Variants in VCL observed in about 807,000 individuals in gnomAD.
VCL encodes vinculin, also known as epididymis luminal protein 114.
In VCL, 47 loss-of-function variants were observed where a neutral mutation model predicts 125.7. The ratio of observed to expected loss-of-function variants is 0.37; its 90% confidence interval spans 0.30 to 0.48. The LOEUF (loss-of-function observed/expected upper bound fraction) is 0.48. Among genes scored for constraint, VCL ranks in the 20% least tolerant of loss-of-function variants. VCL has a pLI of 0.99. For synonymous variants in VCL, 458 were observed against 514.6 expected (o/e 0.89, Z 1.49); for missense variants, 1,069 against 1,455.5 (o/e 0.73, Z 4.32).
chr10:74,040,609 A>G (rs1841077124), intron 1 of VCL, among the ~76,000 whole-genome samples: 1 of 152,228 alleles, frequency 6.6e-6, no homozygotes. Flanking sequence ...AGTGAACAAT[A>G]CATCTGGAAA....
chr10:74,074,733 AT>A lies in VCL; in HGVS notation c.623-5del. ...TTCCAAGCTTACTTTCTGATCTTTT[AT>A]TTTTACAGCTATGAAGATTTTTGTA... On this transcript the variant is annotated splice_polypyrimidine_tract_variant and intron_variant, in intron 5 of 21. Transcript: ENST00000211998. 6.2e-7 allele frequency: 1 copy of A among 1,611,868 alleles called. No individual in the cohort carries two copies. Among genetic ancestry groups the A allele is most frequent in the Non-Finnish European group, 8.5e-7 (1 of 1,179,196 alleles).
rs1446145035 is a variant in VCL, at chr10:74,105,215, G to A, written c.2296G>A (p.Val766Met). 6.2e-7 allele frequency: 1 copy of A among 1,614,192 alleles called. No individual in the cohort carries two copies. Residue 766 changes from valine (V) to methionine (M), a missense_variant, in exon 16 of 22, where the codon GTG (valine) becomes ATG (methionine). Coordinates refer to ENST00000211998, the MANE Select transcript of VCL (RefSeq NM_014000.3). ...TCGTCGGGCCAACCGGATCCTGCTG[G>A]TGGCTAAGAGGGAGGTGGAGAATTC... ...IARRANRILL[V>M]AKREVENSED...
rs370268262 is a variant in VCL at position 74,093,252 on chromosome 10, G to A, written c.1353-1019G>A. Among the ~76,000 whole-genome samples the A allele has an allele frequency of 4.7e-4, 71 of 152,142 alleles. 1 individual carries two copies. The highest frequency in any genetic ancestry group is 8.3e-4 in the South Asian group (4 of 4,826). ...GCAGAGGTTGCAGTGAGCCGAGATC[G>A]TGCCACTGCACTCCAGCCTGGGCAA... On this transcript the variant is annotated intron_variant, in intron 10 of 21. Coordinates refer to ENST00000211998, the MANE Select transcript of VCL (RefSeq NM_014000.3).
At chr10:74,026,591 T>C (rs1840776735) in intron 1 of VCL, among the ~76,000 whole-genome samples, 1 of 152,198 alleles carries the variant, frequency 6.6e-6, no homozygotes, top group African/African-American at 2.4e-5. Context: ...AATATTGCAA[T>C]GGCAGAGAAG....
chr10:74,038,853 C>T (rs1180259729), intron 1 of VCL, among the ~76,000 whole-genome samples: 1 of 152,092 alleles, frequency 6.6e-6, no homozygotes. Context: ...TATCAGCCTT[C>T]TAGCATTGCT....
At chr10:74,081,132 T>C (rs1839667835) in intron 6 of VCL, among the ~76,000 whole-genome samples, 1 of 150,892 alleles carries the variant, frequency 6.6e-6, no homozygotes, top group African/African-American at 2.5e-5. Context: ...TTCAATTTTT[T>C]TGGTAATTTA....
chr10:74,097,902 C>T lies in VCL; in HGVS notation c.1872+570C>T, dbSNP rs947187766. On this transcript the variant is annotated intron_variant, in intron 13 of 21. Coordinates refer to ENST00000211998, the MANE Select transcript of VCL (RefSeq NM_014000.3). This position sits in a 1 kb window ranked among gnomAD's most constrained non-coding sequence, Gnocchi z 4.1. Reference sequence around the variant, plus strand: ...CTGGTAAGCCAACTCTCCAGGAAAACGAAAAACCTTGATTTGTAATGTTTG... The same window carrying T: ...CTGGTAAGCCAACTCTCCAGGAAAATGAAAAACCTTGATTTGTAATGTTTG... 2.5e-4 allele frequency among the ~76,000 whole-genome samples: 38 copies of T among 152,162 alleles called. No individual in the cohort carries two copies. The highest frequency in any genetic ancestry group is 8.7e-4 in the African/African-American group (36 of 41,420).
chr10:74,053,145 A>G lies in VCL; in HGVS notation c.239+9992A>G, dbSNP rs967048251. Among the ~76,000 whole-genome samples the G allele has an allele frequency of 3.6e-4, 54 of 152,048 alleles. 1 individual carries two copies. The highest frequency in any genetic ancestry group is 3.3e-3 in the Admixed American group (50 of 15,262). ...TTGAAACAGGTTATGTAAGATAAAG[A>G]TTATCTGCTCTTGAAAGTTTGGCAA... On this transcript the variant is annotated intron_variant, in intron 2 of 21. Transcript: ENST00000211998.
At chr10:74,082,377 C>T (rs944010939) in intron 6 of VCL, 77 bp from the exon 7 acceptor site, 1 of 1,529,686 alleles carries the variant, frequency 6.5e-7, no homozygotes, top group African/African-American at 1.4e-5. Flanking sequence ...AATGCTGTAA[C>T]TTCTTCTCTG....
At chr10:74,032,707 A>T (rs1211265748) in intron 1 of VCL, among the ~76,000 whole-genome samples, 1 of 80,034 alleles carries the variant, frequency 1.2e-5, no homozygotes, top group African/African-American at 6.4e-5. Flanking sequence ...CTCAAAAAAA[A>T]AAATATATAT....
chr10:74,014,804 T>TGGCA (rs1840507233), intron 1 of VCL, among the ~76,000 whole-genome samples: 1 of 152,122 alleles, frequency 6.6e-6, no homozygotes, highest in Non-Finnish European at 1.5e-5. Flanking sequence ...AAGCTTGCAT[T>TGGCA]AGTCTCCTGA....
intron 8 of VCL, among the ~76,000 whole-genome samples, chr10:74,084,689 T>C (rs1026755913): frequency 5.9e-5 from 9 of 152,158 alleles, no homozygotes; most frequent in South Asian, 2.1e-4. Context: ...CTCGGCTCAC[T>C]GCAACCTTCG....
chr10:74,107,203 C>G lies in VCL; in HGVS notation c.2435-27C>G, dbSNP rs1157244001. The stretch of plus-strand genomic sequence containing the variant: ...TGCTTTGGGGCACTGACCCACCCAG[C>G]TGAAAGTGAGGATGTCTTGTGTTTA... On this transcript the variant is annotated intron_variant, in intron 16 of 21. Coordinates refer to ENST00000211998, the MANE Select transcript of VCL (RefSeq NM_014000.3). The G allele has an allele frequency of 1.9e-6, 3 of 1,614,110 alleles. No individual in the cohort carries two copies. In the Admixed American group the frequency reaches 5.0e-5, roughly 27 times the overall value.
chr10:74,103,298 TC>T lies in VCL; in HGVS notation c.2023-520del, dbSNP rs1357918117. The stretch of plus-strand genomic sequence containing the variant: ...TTACCAGATACGTGGCAAATGTTAA[TC>T]CTTTTTTCCCCAAATGCTGTAACTG... On this transcript the variant is annotated intron_variant, in intron 14 of 21. Coordinates refer to ENST00000211998, the MANE Select transcript of VCL (RefSeq NM_014000.3). 3.9e-5 allele frequency among the ~76,000 whole-genome samples: 6 copies of T among 152,314 alleles called. No individual in the cohort carries two copies. The South Asian group carries it at 1.0e-3, about 26-fold the overall frequency.
chr10:74,012,494 G>T (rs2136227820), intron 1 of VCL, among the ~76,000 whole-genome samples: 1 of 152,272 alleles, frequency 6.6e-6, no homozygotes, highest in South Asian at 2.1e-4. Context: ...TATAATTGTT[G>T]CAGAATTTAT....
intron 13 of VCL, among the ~76,000 whole-genome samples, chr10:74,099,436 TCTTTTG>T (rs1458934932): frequency 6.9e-6 from 1 of 145,426 alleles, no homozygotes; most frequent in Non-Finnish European, 1.5e-5. Flanking sequence ...AAGTGCTTTT[TCTTTTG>T]CTCCTACCTA....
intron 9 of VCL, among the ~76,000 whole-genome samples, chr10:74,089,561 T>G (rs546020078): frequency 6.6e-6 from 1 of 152,320 alleles, no homozygotes; most frequent in African/African-American, 2.4e-5. Context: ...AATAAAGATC[T>G]TAATTTACAG....
intron 14 of VCL, 100 bp downstream of exon 14, chr10:74,101,197 A>G: frequency 6.7e-7 from 1 of 1,502,314 alleles, no homozygotes; most frequent in South Asian, 1.2e-5. Flanking sequence ...ATGGCATAAA[A>G]AAACATATAC....
chr10:74,100,107 A>G (rs1840028039), intron 13 of VCL, among the ~76,000 whole-genome samples: 2 of 152,240 alleles, frequency 1.3e-5, no homozygotes, highest in Admixed American at 6.5e-5. Flanking sequence ...CTAATAATGC[A>G]GTAAGTAAGT....
Sources: allele counts gnomAD v4.1 joint callset (sites outside exome capture counted in the v4.1 genomes callset), GRCh38; gene constraint gnomAD v4.1.1; non-coding constraint Gnocchi (gnomAD v3.1); transcripts MANE v1.5; gene names NCBI Gene and HGNC (gene_info 2026-07-23, HGNC 2026-07-21).